CACNA2D1: variants seen among roughly 807,000 people sequenced by gnomAD.
CACNA2D1 encodes the protein voltage-dependent calcium channel subunit alpha-2/delta-1.
A neutral mutation model predicts 171.5 loss-of-function variants in CACNA2D1; 53 were observed. The observed-to-expected ratio is 0.31, with a 90% CI of 0.25 to 0.39. CACNA2D1 has a LOEUF of 0.39. Among genes scored for constraint, CACNA2D1 ranks in the 10% least tolerant of loss-of-function variants. The pLI is 1.00. For synonymous variants in CACNA2D1, 442 were observed against 443.1 expected (o/e 1.00, Z 0.03); for missense variants, 903 against 1,299.8 (o/e 0.69, Z 4.69).
chr7:82,032,152 C>G (rs942338109), intron 12 of CACNA2D1, among the ~76,000 whole-genome samples: 1 of 151,840 alleles, frequency 6.6e-6, no homozygotes, highest in South Asian at 2.1e-4. Flanking sequence ...TCAATGAGGT[C>G]CCTCTCTGTA....
At position 82,095,406 on chromosome 7, in the gene CACNA2D1, G is replaced by A. The variant is rs573926626; in HGVS notation, c.527-10506C>T. ...GCCTTCTATTATACTGGGTAGGGTA[G>A]GCACCACGTTATTTTCCCTGATGCC... On this transcript the variant is annotated intron_variant, in intron 6 of 38. Coordinates refer to ENST00000356860, the MANE Select transcript of CACNA2D1 (RefSeq NM_000722.4). Among the ~76,000 whole-genome samples the A allele has an allele frequency of 1.2e-4, 18 of 152,152 alleles. No homozygotes were observed. In the South Asian group the frequency reaches 3.1e-3, roughly 26 times the overall value.
At chr7:82,307,487 T>G (rs1176957830) in intron 3 of CACNA2D1, among the ~76,000 whole-genome samples, 2 of 150,588 alleles carry the variant, frequency 1.3e-5, no homozygotes, top group African/African-American at 4.8e-5. Context: ...AATAACTATA[T>G]AATTTATAAA....
intron 3 of CACNA2D1, among the ~76,000 whole-genome samples, chr7:82,266,119 A>G (rs1168545934): frequency 4.6e-5 from 7 of 152,192 alleles, no homozygotes; most frequent in Non-Finnish European, 1.0e-4. Flanking sequence ...GTTACCTTGA[A>G]AAAAGCCACA....
In CACNA2D1 at chr7:82,099,422, C is replaced by CTTTTTTTTTTTT. The variant is rs932080938; in HGVS notation, c.527-14534_527-14523dup. Among the ~76,000 whole-genome samples, 15 of 40,286 alleles carry CTTTTTTTTTTTT rather than the reference C, an allele frequency of 3.7e-4. 2 individuals carry two copies. The highest frequency in any genetic ancestry group is 1.7e-3 in the East Asian group (2 of 1,202). The allele number at this position is 40,286 out of a possible 152,430, so 26.4% of individuals were successfully genotyped here. Reference sequence around the variant, plus strand: ...ACTCTAAAACAGGTAGCAATACCTTCTTTTTTTTTTTTTTTTTTTTTTTTT... The same window carrying CTTTTTTTTTTTT: ...ACTCTAAAACAGGTAGCAATACCTTCTTTTTTTTTTTTTTTTTTTTTTTTTTTTTTTTTTTTT... On this transcript the variant is annotated intron_variant, in intron 6 of 38. Transcript: ENST00000356860.
At chr7:82,143,689 C>T (rs901801078) in intron 4 of CACNA2D1, among the ~76,000 whole-genome samples, 1 of 152,056 alleles carries the variant, frequency 6.6e-6, no homozygotes, top group Non-Finnish European at 1.5e-5. Context: ...GTGCTCCAGA[C>T]CTGTGTGATT....
chr7:82,141,837 G>A (rs1792434448), intron 4 of CACNA2D1, among the ~76,000 whole-genome samples: 1 of 152,052 alleles, frequency 6.6e-6, no homozygotes, highest in South Asian at 2.1e-4. Flanking sequence ...TCATTTCCCT[G>A]TCTTATCACT....
At chr7:81,955,499 A>T (rs10255532) in intron 38 of CACNA2D1, among the ~76,000 whole-genome samples, 65,174 of 151,938 alleles carry the variant, frequency 0.43, 14,215 homozygotes, top group East Asian at 0.52. Context: ...TGTTCTATAC[A>T]GATAACTGTG....
chr7:81,983,421 A>G (rs1163524786), intron 22 of CACNA2D1, 87 bp from the exon 23 acceptor site: 1 of 964,058 alleles, frequency 1.0e-6, no homozygotes, highest in Non-Finnish European at 1.6e-6. Context: ...ATTTTATTCA[A>G]TGACTTTCTT....
intron 5 of CACNA2D1, among the ~76,000 whole-genome samples, chr7:82,130,195 A>C (rs192248060): frequency 2.4e-3 from 371 of 152,246 alleles, no homozygotes; most frequent in African/African-American, 7.9e-3. Context: ...GAGTTACATC[A>C]GCTGCTATAA....
chr7:82,355,692 T>C (rs1432636766), intron 1 of CACNA2D1, among the ~76,000 whole-genome samples: 1 of 152,086 alleles, frequency 6.6e-6, no homozygotes, highest in Admixed American at 6.6e-5. Context: ...TCTTCTTTTA[T>C]ATTATTATCA....
intron 2 of CACNA2D1, among the ~76,000 whole-genome samples, chr7:82,349,277 C>T (rs192788363): frequency 4.6e-4 from 70 of 152,258 alleles, no homozygotes; most frequent in Non-Finnish European, 3.8e-4. Context: ...ATAGTAAGTA[C>T]ATGACTTCCC....
intron 4 of CACNA2D1, among the ~76,000 whole-genome samples, chr7:82,146,250 G>GA (rs1394038946): frequency 6.6e-6 from 1 of 151,214 alleles, no homozygotes; most frequent in Non-Finnish European, 1.5e-5. Flanking sequence ...CTCCCTAGAA[G>GA]AAAGAAACAT....
At chr7:82,020,804 T>G (rs547498439) in intron 12 of CACNA2D1, 46 of 152,258 alleles carry the variant, frequency 3.0e-4, no homozygotes, top group African/African-American at 1.1e-3. Context: ...TATTGCAAAT[T>G]TACAGATATG....
intron 1 of CACNA2D1, among the ~76,000 whole-genome samples, chr7:82,363,238 TTTTA>T (rs1821279495): frequency 6.7e-6 from 1 of 149,614 alleles, no homozygotes; most frequent in Non-Finnish European, 1.5e-5. Flanking sequence ...ACTACCATAG[TTTTA>T]TTTATTTGTC....
At position 82,116,963 on chromosome 7, in the gene CACNA2D1, T is replaced by C. The variant is rs1248268383; in HGVS notation, c.526+81A>G. ...AACAAAACAATGTCACATTTGCTCTTTTTTTTCCCCCTCAAACATGGGAAA... is the reference window on the plus strand; with the variant it reads ...AACAAAACAATGTCACATTTGCTCTCTTTTTTCCCCCTCAAACATGGGAAA... On this transcript the variant is annotated intron_variant, in intron 6 of 38. Transcript: ENST00000356860. 4.7e-6 allele frequency: 7 copies of C among 1,488,922 alleles called. No homozygotes were observed. In the African/African-American group the frequency reaches 5.6e-5, roughly 12 times the overall value. The allele number at this position is 1,488,922 out of a possible 1,614,324, so 92.2% of individuals were successfully genotyped here.
chr7:82,056,369 T>A (rs1002844806), intron 10 of CACNA2D1, among the ~76,000 whole-genome samples: 23 of 152,206 alleles, frequency 1.5e-4, no homozygotes, highest in African/African-American at 5.3e-4. Flanking sequence ...CCTATGGAGG[T>A]AGGCATGAAG....
In CACNA2D1 at chr7:82,359,369, T is replaced by G. The variant is rs77494011; in HGVS notation, c.96-9720A>C. Among the ~76,000 whole-genome samples, 4 of 152,280 alleles carry G rather than the reference T, an allele frequency of 2.6e-5. No individual in the cohort carries two copies. In the East Asian group the frequency reaches 7.7e-4, roughly 29 times the overall value. On this transcript the variant is annotated intron_variant, in intron 1 of 38. Coordinates refer to ENST00000356860, the MANE Select transcript of CACNA2D1 (RefSeq NM_000722.4). ...GGTAAAAATTTCCTTATTTTCTTTA[T>G]TTCTATGAATTATTAGCTGATCATT...
chr7:82,097,892 T>A (rs1812091989), intron 6 of CACNA2D1, among the ~76,000 whole-genome samples: 1 of 127,946 alleles, frequency 7.8e-6, no homozygotes, highest in Non-Finnish European at 1.8e-5. Flanking sequence ...GGCAGGCAGA[T>A]CACTTGAGGT....
intron 11 of CACNA2D1, among the ~76,000 whole-genome samples, chr7:82,033,272 TCCC>T (rs1802931476): frequency 6.6e-6 from 1 of 151,968 alleles, no homozygotes; most frequent in Non-Finnish European, 1.5e-5. Context: ...ATTGTTGGTA[TCCC>T]CCAACAGAAT....
Sources: allele counts gnomAD v4.1 joint callset (sites outside exome capture counted in the v4.1 genomes callset), GRCh38; gene constraint gnomAD v4.1.1; transcripts MANE v1.5; gene names NCBI Gene and HGNC (gene_info 2026-07-23, HGNC 2026-07-21).